Variants in PCLO observed in about 807,000 individuals in gnomAD.
The protein encoded by PCLO is piccolo presynaptic cytomatrix protein.
A neutral mutation model predicts 427.5 loss-of-function variants in PCLO; 82 were observed. The ratio of observed to expected loss-of-function variants is 0.19; its 90% CI spans 0.16 to 0.23. PCLO has a LOEUF of 0.23. Ranked by LOEUF, PCLO falls within the 10% of genes least tolerant of loss-of-function variation. PCLO has a pLI of 1.00. For synonymous variants in PCLO, 2,357 were observed against 2,155.4 expected, an observed-to-expected ratio of 1.09 and a Z score of -2.59; for missense variants, 6,239 against 6,115.9, an observed-to-expected ratio of 1.02 and a Z score of -0.67.
At chr7:82,922,091 TGTTGACTAG>T (rs1794608658) in intron 6 of PCLO, among the ~76,000 whole-genome samples, 1 of 151,672 alleles carries the variant, frequency 6.6e-6, no homozygotes, top group Admixed American at 6.6e-5. Flanking sequence ...ACAAAACAGA[TGTTGACTAG>T]GTTGTGGAGT....
rs570020964 is a variant in PCLO, at chr7:82,877,119, CTT to C, written c.13654+2216_13654+2217del. On this transcript the variant is annotated intron_variant, in intron 10 of 24. Coordinates refer to ENST00000333891, the MANE Select transcript of PCLO (RefSeq NM_033026.6). ...TTTTAGATTTACTTTTGTTTTCTCT[CTT>C]GAGATGGTATCATATCTATTTTTAA... 3.2e-3 allele frequency among the ~76,000 whole-genome samples: 488 copies of C among 152,104 alleles called. 2 individuals are homozygous for C. Among genetic ancestry groups the C allele is most frequent in the African/African-American group, 0.011 (469 of 41,506 alleles).
At position 82,816,684 on chromosome 7, in the gene PCLO, A is replaced by G. The variant is rs374952718; in HGVS notation, c.14791+5811T>C. Among the ~76,000 whole-genome samples the G allele has an allele frequency of 3.6e-4, 55 of 152,278 alleles. 1 individual carries two copies. The highest frequency in any genetic ancestry group is 8.7e-4 in the African/African-American group (36 of 41,570). ...CATTATTTAGGCCCATAGCTAGACC[A>G]TATGACTAAGGCATAACAATTTTGA... On this transcript the variant is annotated intron_variant, in intron 20 of 24. Coordinates refer to ENST00000333891, the MANE Select transcript of PCLO (RefSeq NM_033026.6).
chr7:82,932,808 C>T (rs922901181), intron 6 of PCLO, among the ~76,000 whole-genome samples: 1 of 152,034 alleles, frequency 6.6e-6, no homozygotes, highest in Admixed American at 6.6e-5. Context: ...AGAGAAAAAA[C>T]AAACATCCTT....
At chr7:82,761,663 T>C (rs6955447) in intron 22 of PCLO, among the ~76,000 whole-genome samples, 170 bp from the exon 23 acceptor site, 11,922 of 152,108 alleles carry the variant, frequency 0.078, 1,134 homozygotes, top group African/African-American at 0.23. Flanking sequence ...TATATTTATT[T>C]ACAGGTGAAT....
intron 3 of PCLO, among the ~76,000 whole-genome samples, chr7:83,079,782 T>A (rs1790048887): frequency 6.6e-6 from 1 of 152,124 alleles, no homozygotes; most frequent in African/African-American, 2.4e-5. Flanking sequence ...TAGGTAAACA[T>A]GTGCCATTGT....
intron 9 of PCLO, chr7:82,894,565 C>G (rs62461408): frequency 0.22 from 33,239 of 152,002 alleles, 4,590 homozygotes; most frequent in East Asian, 0.61. Flanking sequence ...GAAAAACTCG[C>G]CCCCATGACT....
intron 9 of PCLO, among the ~76,000 whole-genome samples, chr7:82,884,944 G>A (rs1793595677): frequency 6.6e-6 from 1 of 152,088 alleles, no homozygotes; most frequent in Admixed American, 6.6e-5. Flanking sequence ...ATGTAAGTAG[G>A]AAGAAAAATA....
At chr7:82,936,777 A>G (rs1280324970) in intron 6 of PCLO, among the ~76,000 whole-genome samples, 1 of 151,764 alleles carries the variant, frequency 6.6e-6, no homozygotes, top group Non-Finnish European at 1.5e-5. Context: ...TGAATGAATA[A>G]ACAAACTGTG....
chr7:83,037,987 GC>G (rs1788837240), intron 3 of PCLO, among the ~76,000 whole-genome samples: 1 of 25,208 alleles, frequency 4.0e-5, no homozygotes. Context: ...GTAAGGAGGA[GC>G]TTATATATAT....
intron 24 of PCLO, 146 bp downstream of exon 24, chr7:82,760,493 A>G: frequency 2.1e-6 from 1 of 471,224 alleles, no homozygotes; most frequent in Non-Finnish European, 3.6e-6. Flanking sequence ...ATTCTAAAAG[A>G]TTCCTGGGGA....
At chr7:82,917,757 CT>C (rs1195536738) in intron 6 of PCLO, among the ~76,000 whole-genome samples, 2 of 151,778 alleles carry the variant, frequency 1.3e-5, no homozygotes, top group Non-Finnish European at 2.9e-5. Context: ...AAGATGCTTC[CT>C]TTTCTTTTCT....
At position 82,965,821 on chromosome 7, in the gene PCLO, G is replaced by T; in HGVS notation, c.3967C>A (p.Pro1323Thr). The T allele has an allele frequency of 6.2e-7, 1 of 1,613,668 alleles. No individual in the cohort carries two copies. Reference protein sequence around the residue: ...TTKTIKEQPQPPCTAKPDQVE... With the variant: ...TTKTIKEQPQTPCTAKPDQVE... ...TGATCAGGTTTTGCTGTGCATGGTG[G>T]CTGTGGCTGTTCTTTTATTGTTTTG... The change falls in exon 4 of 25, where the codon CCA becomes ACA. Residue 1323 changes from proline (P) to threonine (T), a missense_variant. By Grantham distance (38) the Pro-to-Thr change is conservative (BLOSUM62 -1). Transcript: ENST00000333891.
At chr7:83,011,901 GA>G (rs1713629318) in intron 3 of PCLO, among the ~76,000 whole-genome samples, 1 of 152,036 alleles carries the variant, frequency 6.6e-6, no homozygotes, top group South Asian at 2.1e-4. Flanking sequence ...AGCATCTTCT[GA>G]ATGACAGACT....
intron 9 of PCLO, among the ~76,000 whole-genome samples, chr7:82,890,627 G>C (rs57287011): frequency 0.039 from 5,975 of 152,004 alleles, 404 homozygotes; most frequent in African/African-American, 0.14. Context: ...TAAGGTAGAA[G>C]ATGAGAATTT....
intron 3 of PCLO, among the ~76,000 whole-genome samples, chr7:83,124,926 T>C (rs1196528804): frequency 2.0e-5 from 3 of 152,136 alleles, no homozygotes; most frequent in Non-Finnish European, 4.4e-5. Context: ...GACTGGTTTT[T>C]GCATTTTTTG....
intron 20 of PCLO, chr7:82,821,823 T>C (rs1475599162): frequency 1.0e-6 from 1 of 981,872 alleles, no homozygotes; most frequent in Non-Finnish European, 1.2e-6. Flanking sequence ...CATATGCTTA[T>C]ACATATATTA....
chr7:82,918,385 A>C (rs1794517434), intron 6 of PCLO, among the ~76,000 whole-genome samples: 1 of 151,982 alleles, frequency 6.6e-6, no homozygotes, highest in African/African-American at 2.4e-5. Flanking sequence ...ATTCCTTTAA[A>C]AATCTCTATA....
chr7:82,855,565 T>C (rs117485616), intron 10 of PCLO, among the ~76,000 whole-genome samples: 3 of 152,290 alleles, frequency 2.0e-5, no homozygotes, highest in Non-Finnish European at 4.4e-5. Flanking sequence ...GCCTACATGC[T>C]GATATTATTT....
chr7:82,927,155 C>T (rs1052767266), intron 6 of PCLO, among the ~76,000 whole-genome samples: 8 of 152,054 alleles, frequency 5.3e-5, no homozygotes, highest in African/African-American at 7.2e-5. Context: ...TGAATTCTTT[C>T]GGATACTCAT....
Sources: gnomAD v4.1 joint callset for allele counts (sites outside exome capture counted in the v4.1 genomes callset) on GRCh38, gnomAD v4.1.1 for gene constraint, MANE v1.5 for transcripts, NCBI Gene and HGNC (gene_info 2026-07-23, HGNC 2026-07-21) for gene names.